The following PLCE1 variants were observed in gnomAD, a reference collection of about 807,000 sequenced individuals.
The protein encoded by PLCE1 is phospholipase C epsilon 1.
A neutral mutation model predicts 242.8 loss-of-function variants in PLCE1; 119 were observed. The ratio of observed to expected loss-of-function variants is 0.49; its 90% CI spans 0.42 to 0.57. The LOEUF (loss-of-function observed/expected upper bound fraction) is 0.57. PLCE1 is among the 20% of genes least tolerant of loss of function. The pLI, the probability that PLCE1 is intolerant of heterozygous loss-of-function variation, is 0.00. For synonymous variants in PLCE1, 945 were observed against 1,017.4 expected, an observed-to-expected ratio of 0.93 and a Z score of 1.35; for missense variants, 2,441 against 2,788.8, an observed-to-expected ratio of 0.88 and a Z score of 2.81.
chr10:94,215,566 G>C (rs930767579), intron 4 of PLCE1, among the ~76,000 whole-genome samples: 1 of 152,124 alleles, frequency 6.6e-6, no homozygotes, highest in African/African-American at 2.4e-5. Context: ...ATTGGATGTG[G>C]GAATGGAAAG....
intron 4 of PLCE1, among the ~76,000 whole-genome samples, chr10:94,219,119 G>A (rs1323692136): frequency 6.6e-6 from 1 of 151,616 alleles, no homozygotes; most frequent in African/African-American, 2.4e-5. Context: ...CTATCAATGG[G>A]CAGATACCAT....
chr10:94,211,776 A>T (rs2049338139), intron 4 of PLCE1, among the ~76,000 whole-genome samples: 1 of 152,082 alleles, frequency 6.6e-6, no homozygotes. Context: ...TACCTCCTAT[A>T]ACCCACCCAC....
intron 4 of PLCE1, among the ~76,000 whole-genome samples, chr10:94,224,103 C>CGTGTGT (rs56911704): frequency 1.3e-5 from 2 of 150,026 alleles, no homozygotes; most frequent in African/African-American, 2.4e-5. Context: ...GGTGTGTGTG[C>CGTGTGT]GTGTGTGTGT....
chr10:94,005,161 G>C (rs1488630350), intron 1 of PLCE1, among the ~76,000 whole-genome samples: 5 of 152,212 alleles, frequency 3.3e-5, no homozygotes, highest in African/African-American at 1.2e-4. Flanking sequence ...AGGGCTGCTG[G>C]GACTGAGGTA....
rs572341438 is a variant in PLCE1 at position 94,118,789 on chromosome 10, A to G, written c.1207-13385A>G. Among the ~76,000 whole-genome samples the G allele has an allele frequency of 9.1e-4, 139 of 152,334 alleles. 1 individual carries two copies. Among genetic ancestry groups the G allele is most frequent in the Admixed American group, 8.9e-3 (136 of 15,296 alleles). On this transcript the variant is annotated intron_variant, in intron 2 of 32. Coordinates refer to ENST00000371380, the MANE Select transcript of PLCE1 (RefSeq NM_016341.4). Reference sequence around the variant, plus strand: ...CGGACTAATACGTATGCTCTTCTACACACACATAGCTGAGAGTCTCTGTAA... The same window carrying G: ...CGGACTAATACGTATGCTCTTCTACGCACACATAGCTGAGAGTCTCTGTAA...
intron 24 of PLCE1, among the ~76,000 whole-genome samples, chr10:94,302,794 A>C (rs934780557): frequency 2.6e-5 from 4 of 152,248 alleles, no homozygotes; most frequent in Non-Finnish European, 4.4e-5. Context: ...CTTGATGCAC[A>C]TAAAGTGCTT....
chr10:94,223,252 A>AAAAC (rs2049822377), intron 4 of PLCE1, among the ~76,000 whole-genome samples: 1 of 151,096 alleles, frequency 6.6e-6, no homozygotes, highest in African/African-American at 2.4e-5. Context: ...AAAAAAAAAA[A>AAAAC]TTGAATCTGG....
chr10:94,042,651 AG>A (rs1469050720), intron 2 of PLCE1, among the ~76,000 whole-genome samples: 6 of 152,188 alleles, frequency 3.9e-5, no homozygotes, highest in Admixed American at 1.3e-4. Context: ...TGGGAGATGC[AG>A]GGAACAATAC....
At chr10:94,076,225 G>A (rs2044495984) in intron 2 of PLCE1, among the ~76,000 whole-genome samples, 1 of 152,084 alleles carries the variant, frequency 6.6e-6, no homozygotes, top group Non-Finnish European at 1.5e-5. Context: ...AATAAAAGGG[G>A]TACGGGATAT....
At chr10:94,248,669 GA>G (rs61637083) in intron 8 of PLCE1, among the ~76,000 whole-genome samples, 50,591 of 143,146 alleles carry the variant, frequency 0.35, 8,503 homozygotes, top group Middle Eastern at 0.44. Context: ...TACTCAGCTG[GA>G]AAAAAAAAAA....
intron 29 of PLCE1, among the ~76,000 whole-genome samples, chr10:94,318,062 A>AT (rs752489615): frequency 3.9e-4 from 59 of 152,262 alleles, no homozygotes; most frequent in Non-Finnish European, 7.5e-4. Context: ...AATGTGACCT[A>AT]AAGCCTCTAC....
intron 4 of PLCE1, among the ~76,000 whole-genome samples, chr10:94,211,774 A>C (rs1003195022): frequency 6.6e-6 from 1 of 152,136 alleles, no homozygotes; most frequent in Non-Finnish European, 1.5e-5. Context: ...TCTACCTCCT[A>C]TAACCCACCC....
At chr10:94,280,018 G>A (rs1589464842) in intron 20 of PLCE1, 107 bp downstream of exon 20, 4 of 1,137,448 alleles carry the variant, frequency 3.5e-6, no homozygotes, top group Non-Finnish European at 5.3e-6. Flanking sequence ...TAATACGGAT[G>A]GTTGTAATAT....
intron 2 of PLCE1, among the ~76,000 whole-genome samples, chr10:94,047,800 C>T (rs1172687555): frequency 1.3e-5 from 2 of 152,184 alleles, no homozygotes; most frequent in African/African-American, 2.4e-5. Flanking sequence ...CAAACCTCTA[C>T]ATGTCCCTCC....
In PLCE1 at chr10:94,031,848, G is replaced by A. The variant is rs1431581516; in HGVS notation, c.802G>A (p.Gly268Ser). The A allele has an allele frequency of 6.2e-7, 1 of 1,613,708 alleles. No individual in the cohort carries two copies. Among genetic ancestry groups the A allele is most frequent in the African/African-American group, 1.3e-5 (1 of 74,884 alleles). Residue 268 changes from glycine (G) to serine (S), a missense_variant, in exon 2 of 33, where the codon GGC becomes AGC. Physicochemically the swap from Gly to Ser is moderately conservative, Grantham distance 56. Transcript: ENST00000371380. ...TLNDKYFCFE[G>S]SCEKVDMVYS... ...GAATGATAAATACTTTTGCTTTGAA[G>A]GCTCTTGTGAGAAGGTTGACATGGT...
At chr10:94,227,097 A>G (rs2049971997) in intron 4 of PLCE1, 4 of 517,044 alleles carry the variant, frequency 7.7e-6, no homozygotes, top group Non-Finnish European at 1.4e-5. Flanking sequence ...GGCTGGTCTC[A>G]AACTCCTGAC....
intron 11 of PLCE1, among the ~76,000 whole-genome samples, chr10:94,257,225 A>G (rs1321886523): frequency 6.6e-6 from 1 of 151,762 alleles, no homozygotes; most frequent in African/African-American, 2.4e-5. Flanking sequence ...AACAAACTAT[A>G]TATTTTATAT....
intron 29 of PLCE1, among the ~76,000 whole-genome samples, chr10:94,319,890 G>A (rs10882423): frequency 1.3e-5 from 1 of 76,676 alleles, no homozygotes; most frequent in Non-Finnish European, 2.7e-5. Context: ...TTTTTTTTGA[G>A]ATGGAGTCTG....
chr10:94,306,074 C>A lies in PLCE1; in HGVS notation c.5623-353C>A, dbSNP rs957418882. 6.6e-6 allele frequency among the ~76,000 whole-genome samples: 1 copy of A among 151,854 alleles called. No individual in the cohort carries two copies. Among genetic ancestry groups the A allele is most frequent in the Non-Finnish European group, 1.5e-5 (1 of 67,988 alleles). On this transcript the variant is annotated intron_variant, in intron 25 of 32. Transcript: ENST00000371380. The surrounding 1 kb of genome is among the most constrained non-coding windows in gnomAD (Gnocchi z 5.7). The stretch of plus-strand genomic sequence containing the variant: ...GCAACCTCTGCTTCCTGGGTTCAAG[C>A]AATTCCCCTGCCTCAGCCTCCCTAA...
Sources: allele counts gnomAD v4.1 joint callset (sites outside exome capture counted in the v4.1 genomes callset), GRCh38; gene constraint gnomAD v4.1.1; non-coding constraint Gnocchi (gnomAD v3.1); transcripts MANE v1.5; gene names NCBI Gene and HGNC (gene_info 2026-07-23, HGNC 2026-07-21).